BMPR1B: variants seen among roughly 807,000 people sequenced by gnomAD.
The protein encoded by BMPR1B is bone morphogenetic protein receptor type 1B.
A neutral mutation model predicts 59.1 loss-of-function variants in BMPR1B; 12 were observed. That is an observed-to-expected ratio of 0.20 (90% CI 0.13 to 0.33). The LOEUF (loss-of-function observed/expected upper bound fraction) is 0.33. BMPR1B is among the 10% of genes least tolerant of loss of function. The pLI is 1.00. For synonymous variants in BMPR1B, 237 were observed against 207.3 expected (o/e 1.14, Z -1.23); for missense variants, 550 against 610.9 (o/e 0.90, Z 1.05).
At chr4:94,780,905 G>T (rs1246315356) in intron 1 of BMPR1B, among the ~76,000 whole-genome samples, 1 of 151,876 alleles carries the variant, frequency 6.6e-6, no homozygotes, top group Admixed American at 6.6e-5. Flanking sequence ...AGCCAGGATG[G>T]TCTCGATCTC....
intron 10 of BMPR1B, among the ~76,000 whole-genome samples, chr4:95,143,553 C>T (rs1187771682): frequency 6.6e-6 from 1 of 152,160 alleles, no homozygotes; most frequent in Non-Finnish European, 1.5e-5. Context: ...GTAGAAGAGC[C>T]ACTTGGAGTG....
At chr4:94,900,683 A>G (rs1342685341) in intron 2 of BMPR1B, among the ~76,000 whole-genome samples, 1 of 152,066 alleles carries the variant, frequency 6.6e-6, no homozygotes, top group Non-Finnish European at 1.5e-5. Flanking sequence ...TATTATTTGA[A>G]TAGTCAGAAT....
rs1734185095 is a variant in BMPR1B at position 95,140,856 on chromosome 4, GTATC to G, written c.1077-7888_1077-7885del. Reference sequence around the variant, plus strand: ...ACCTTAAAACAAAAAAGGAAAGTGAGTATCTATTATATTATAGAAACTTAGTTCT... The same window carrying G: ...ACCTTAAAACAAAAAAGGAAAGTGAGTATTATATTATAGAAACTTAGTTCT... On this transcript the variant is annotated intron_variant, in intron 10 of 12. Coordinates refer to ENST00000515059, the MANE Select transcript of BMPR1B (RefSeq NM_001203.3). 2.0e-5 allele frequency among the ~76,000 whole-genome samples: 3 copies of G among 152,154 alleles called. No homozygotes were observed. The South Asian group carries it at 6.2e-4, about 31-fold the overall frequency.
chr4:95,083,828 A>T (rs1729360239), intron 3 of BMPR1B, among the ~76,000 whole-genome samples: 1 of 152,218 alleles, frequency 6.6e-6, no homozygotes, highest in South Asian at 2.1e-4. Flanking sequence ...AAGTAGAATG[A>T]AAAACATAAT....
intron 3 of BMPR1B, among the ~76,000 whole-genome samples, chr4:95,028,002 G>A (rs7679627): frequency 0.43 from 64,876 of 151,862 alleles, 14,375 homozygotes; most frequent in East Asian, 0.71. Context: ...CAATAGAAAG[G>A]CAGGGCCAAA....
In BMPR1B at chr4:94,837,034, G is replaced by C. The variant is rs371299205; in HGVS notation, c.-182-38797G>C. Among the ~76,000 whole-genome samples, 7 of 143,386 alleles carry C rather than the reference G, an allele frequency of 4.9e-5. No homozygotes were observed. The East Asian group carries it at 1.2e-3, about 24-fold the overall frequency. 94.1% of individuals were successfully genotyped at this position (143,386 alleles called of 152,430 possible). ...ATAGGGAATCCTTTCCCCATTGCTT[G>C]TTTTTCTCAGGTTTGTCAAAGATCA... is the stretch of plus-strand genomic sequence containing the variant. On this transcript the variant is annotated intron_variant, in intron 1 of 12. Transcript: ENST00000515059.
chr4:95,097,484 G>A (rs1041559669), intron 3 of BMPR1B, among the ~76,000 whole-genome samples: 1 of 151,880 alleles, frequency 6.6e-6, no homozygotes, highest in Non-Finnish European at 1.5e-5. Flanking sequence ...AATCAATTTT[G>A]TTGACATTTG....
intron 1 of BMPR1B, among the ~76,000 whole-genome samples, chr4:94,832,156 T>C (rs1167790072): frequency 1.3e-5 from 2 of 152,210 alleles, no homozygotes; most frequent in African/African-American, 2.4e-5. Flanking sequence ...AAAACTGTCT[T>C]CCATGAAACT....
chr4:95,127,384 T>A (rs1029980983), intron 8 of BMPR1B, among the ~76,000 whole-genome samples: 2 of 152,172 alleles, frequency 1.3e-5, no homozygotes, highest in African/African-American at 4.8e-5. Flanking sequence ...TTACTTTCTG[T>A]CTTTGGGATA....
In BMPR1B at chr4:95,049,048, A is replaced by G. The variant is rs150061934; in HGVS notation, c.-18+52914A>G. Among the ~76,000 whole-genome samples the G allele has an allele frequency of 2.0e-5, 3 of 152,300 alleles. No individual in the cohort carries two copies. In the East Asian group the frequency reaches 5.8e-4, roughly 29 times the overall value. On this transcript the variant is annotated intron_variant, in intron 3 of 12. Transcript: ENST00000515059. The stretch of plus-strand genomic sequence containing the variant: ...AGTGGAAACCTCTCCTCACATGTTT[A>G]ATCTCGTTTTCACTCTCCCTCACCT...
At chr4:94,947,530 G>A (rs1343757079) in intron 2 of BMPR1B, among the ~76,000 whole-genome samples, 2 of 152,200 alleles carry the variant, frequency 1.3e-5, no homozygotes, top group Non-Finnish European at 1.5e-5. Flanking sequence ...GCTTTAGATA[G>A]TAAGATCCTT....
At chr4:94,876,234 C>A (rs1726726566) in intron 2 of BMPR1B, among the ~76,000 whole-genome samples, 1 of 152,078 alleles carries the variant, frequency 6.6e-6, no homozygotes, top group Admixed American at 6.5e-5. Flanking sequence ...CTGATATCAT[C>A]ACGATAACAT....
intron 3 of BMPR1B, among the ~76,000 whole-genome samples, chr4:95,084,368 T>C (rs1729409240): frequency 1.2e-5 from 1 of 80,208 alleles, no homozygotes. Flanking sequence ...TATATATGTG[T>C]ATTGTGTATA....
chr4:95,096,013 T>C (rs1730345834), intron 3 of BMPR1B, among the ~76,000 whole-genome samples: 1 of 148,566 alleles, frequency 6.7e-6, no homozygotes, highest in African/African-American at 2.5e-5. Context: ...TGTAATAGTA[T>C]GAAATTTTTT....
At chr4:94,827,002 A>G (rs780958085) in intron 1 of BMPR1B, among the ~76,000 whole-genome samples, 4 of 152,194 alleles carry the variant, frequency 2.6e-5, no homozygotes, top group Non-Finnish European at 5.9e-5. Context: ...AAAAATACTG[A>G]ATTCTAAAAA....
chr4:94,882,571 A>T (rs953380691), intron 2 of BMPR1B, among the ~76,000 whole-genome samples: 2 of 152,180 alleles, frequency 1.3e-5, no homozygotes, highest in Admixed American at 6.6e-5. Context: ...AGATTTTATA[A>T]TCCTCTTTTT....
chr4:94,794,045 G>T (rs1327134047), intron 1 of BMPR1B, among the ~76,000 whole-genome samples: 1 of 149,440 alleles, frequency 6.7e-6, no homozygotes, highest in Non-Finnish European at 1.5e-5. Context: ...TGTCAATTTT[G>T]GCTTTTGTTG....
intron 3 of BMPR1B, among the ~76,000 whole-genome samples, chr4:95,060,478 T>A (rs188964824): frequency 6.6e-6 from 1 of 152,198 alleles, no homozygotes; most frequent in Non-Finnish European, 1.5e-5. Flanking sequence ...TCCCCAATGA[T>A]GAAGAAGGGA....
At chr4:94,817,177 C>G (rs565826885) in intron 1 of BMPR1B, among the ~76,000 whole-genome samples, 118 of 152,294 alleles carry the variant, frequency 7.7e-4, no homozygotes, top group Admixed American at 1.6e-3. Flanking sequence ...TTAGACTTCC[C>G]AGCTTCCGGA....
Sources: gnomAD v4.1 joint callset for allele counts (sites outside exome capture counted in the v4.1 genomes callset) on GRCh38, gnomAD v4.1.1 for gene constraint, MANE v1.5 for transcripts, NCBI Gene and HGNC (gene_info 2026-07-23, HGNC 2026-07-21) for gene names.